Variants in DOCK1 observed in about 807,000 individuals in gnomAD.
The protein encoded by DOCK1 is dedicator of cytokinesis protein 1.
A neutral mutation model predicts 262.7 loss-of-function variants in DOCK1; 138 were observed. The ratio of observed to expected loss-of-function variants is 0.53; its 90% CI spans 0.46 to 0.61. The LOEUF (loss-of-function observed/expected upper bound fraction) is 0.61, where lower values mean the gene tolerates loss of function less well. Among genes scored for constraint, DOCK1 ranks in the 20% least tolerant of loss-of-function variants. DOCK1 has a pLI of 0.00. For missense variants in DOCK1, 1,908 were observed against 2,370.7 expected, an observed-to-expected ratio of 0.80 and a Z score of 4.05; for synonymous variants, 866 against 867.4, an observed-to-expected ratio of 1.00 and a Z score of 0.03.
At chr10:127,066,352 C>T (rs2045872833) in intron 23 of DOCK1, among the ~76,000 whole-genome samples, 1 of 152,160 alleles carries the variant, frequency 6.6e-6, no homozygotes, top group South Asian at 2.1e-4. Context: ...GAAATTAGGG[C>T]AGAAAAGTCT....
At chr10:127,393,042 G>C (rs369102016) in intron 38 of DOCK1, among the ~76,000 whole-genome samples, 1 of 152,212 alleles carries the variant, frequency 6.6e-6, no homozygotes, top group Non-Finnish European at 1.5e-5. Context: ...AGCATCCACA[G>C]AACTTACCGA....
chr10:126,949,276 A>C (rs961872014), intron 1 of DOCK1, among the ~76,000 whole-genome samples: 9 of 152,070 alleles, frequency 5.9e-5, no homozygotes, highest in Non-Finnish European at 1.2e-4. Flanking sequence ...GGGAATGGGG[A>C]GCCGCAGGAC....
intron 23 of DOCK1, among the ~76,000 whole-genome samples, chr10:127,062,321 G>T (rs547112088): frequency 3.0e-4 from 46 of 152,188 alleles, no homozygotes; most frequent in African/African-American, 1.1e-3. Flanking sequence ...TTCAGTACAG[G>T]TATACGATGT....
intron 27 of DOCK1, among the ~76,000 whole-genome samples, chr10:127,143,595 C>A (rs1368180704): frequency 6.6e-6 from 1 of 152,164 alleles, no homozygotes. Flanking sequence ...GTAGGACCAG[C>A]CATGTCCCCA....
intron 27 of DOCK1, among the ~76,000 whole-genome samples, chr10:127,244,155 AAC>A (rs1201791314): frequency 6.7e-6 from 1 of 150,274 alleles, no homozygotes; most frequent in African/African-American, 2.4e-5. Flanking sequence ...TCAGGTAAAC[AAC>A]AGTTTTTTTT....
chr10:127,227,512 C>T (rs998955813), intron 27 of DOCK1, among the ~76,000 whole-genome samples: 15 of 152,224 alleles, frequency 9.9e-5, no homozygotes, highest in African/African-American at 3.4e-4. Context: ...TTCCAAGCCA[C>T]GTTCCAGTAG....
chr10:127,245,935 A>G (rs2059417377), intron 27 of DOCK1, among the ~76,000 whole-genome samples: 1 of 152,176 alleles, frequency 6.6e-6, no homozygotes, highest in African/African-American at 2.4e-5. Flanking sequence ...TTCAGCACCT[A>G]CTAGGTTCAC....
chr10:127,029,224 C>G (rs993143473), intron 16 of DOCK1, among the ~76,000 whole-genome samples: 1 of 152,168 alleles, frequency 6.6e-6, no homozygotes, highest in Non-Finnish European at 1.5e-5. Flanking sequence ...GGTGCGATGC[C>G]GATGAAAGCC....
intron 27 of DOCK1, among the ~76,000 whole-genome samples, chr10:127,183,022 A>C (rs2055880427): frequency 6.7e-6 from 1 of 150,338 alleles, no homozygotes. Context: ...ACAAAGATAC[A>C]TACTAGAATG....
intron 3 of DOCK1, among the ~76,000 whole-genome samples, chr10:126,979,159 A>G (rs1256922209): frequency 1.3e-5 from 2 of 152,214 alleles, no homozygotes; most frequent in Non-Finnish European, 2.9e-5. Flanking sequence ...ATTTCAATCC[A>G]GTGGATGGTG....
chr10:127,207,393 C>T (rs2057773691), intron 27 of DOCK1, among the ~76,000 whole-genome samples: 2 of 152,144 alleles, frequency 1.3e-5, no homozygotes, highest in Admixed American at 6.5e-5. Context: ...TCCAGAAATA[C>T]CAGATAAACA....
In DOCK1 at chr10:127,362,046, G is replaced by A. The variant is rs779980002; in HGVS notation, c.3284-18G>A. 3.1e-6 allele frequency: 5 copies of A among 1,596,836 alleles called. No individual in the cohort carries two copies. The highest frequency in any genetic ancestry group is 3.5e-5 in the Admixed American group (2 of 56,698). The stretch of plus-strand genomic sequence containing the variant: ...CTATTTTTCTTTATTTCTGAATATT[G>A]TACCTCTTTTTTCCAAGGTCAACAC... On this transcript the variant is annotated intron_variant, in intron 32 of 51. Transcript: ENST00000623213.
At chr10:127,428,295 G>A (rs1253478563) in intron 47 of DOCK1, among the ~76,000 whole-genome samples, 1 of 152,200 alleles carries the variant, frequency 6.6e-6, no homozygotes, top group Non-Finnish European at 1.5e-5. Flanking sequence ...CAGACATCCT[G>A]CATATTCCCT....
intron 28 of DOCK1, among the ~76,000 whole-genome samples, chr10:127,252,265 C>A (rs1329476262): frequency 7.4e-5 from 11 of 148,278 alleles, no homozygotes; most frequent in Non-Finnish European, 1.5e-4. Context: ...TGTTTGAGTT[C>A]ATTGTAGATT....
At chr10:127,329,247 C>T (rs2062871714) in intron 29 of DOCK1, among the ~76,000 whole-genome samples, 1 of 152,158 alleles carries the variant, frequency 6.6e-6, no homozygotes, top group Non-Finnish European at 1.5e-5. Flanking sequence ...AGGGGTGGGG[C>T]ACGGTCACCC....
intron 22 of DOCK1, among the ~76,000 whole-genome samples, chr10:127,061,062 C>T (rs759782595): frequency 6.6e-6 from 1 of 152,060 alleles, no homozygotes; most frequent in Non-Finnish European, 1.5e-5. Context: ...AACTTCTTCC[C>T]TACTAAAATA....
intron 27 of DOCK1, among the ~76,000 whole-genome samples, chr10:127,166,021 T>C (rs570763936): frequency 1.3e-5 from 2 of 152,312 alleles, no homozygotes; most frequent in African/African-American, 4.8e-5. Context: ...CAGACTTGCA[T>C]TAGCAAAAAA....
chr10:127,114,810 G>T (rs1220893736), intron 25 of DOCK1, among the ~76,000 whole-genome samples: 1 of 147,004 alleles, frequency 6.8e-6, no homozygotes, highest in Non-Finnish European at 1.5e-5. Context: ...AGGCTGGAGT[G>T]CAGTGGCACG....
intron 13 of DOCK1, among the ~76,000 whole-genome samples, chr10:127,019,706 G>A (rs1293377267): frequency 6.6e-6 from 1 of 152,192 alleles, no homozygotes; most frequent in East Asian, 1.9e-4. Context: ...CACAGATCAC[G>A]CCACTGCACT....
Sources: gnomAD v4.1 joint callset for allele counts (sites outside exome capture counted in the v4.1 genomes callset) on GRCh38, gnomAD v4.1.1 for gene constraint, MANE v1.5 for transcripts, NCBI Gene and HGNC (gene_info 2026-07-23, HGNC 2026-07-21) for gene names.